The following MLIP variants were observed in gnomAD, a reference collection of about 807,000 sequenced individuals.
MLIP encodes muscular LMNA interacting protein.
A neutral mutation model predicts 84.8 loss-of-function variants in MLIP; 79 were observed. The ratio of observed to expected loss-of-function variants is 0.93; its 90% CI spans 0.78 to 1.12. The LOEUF (loss-of-function observed/expected upper bound fraction) is 1.12, where lower values mean the gene tolerates loss of function less well. Among genes scored for constraint, MLIP ranks in the 50% most tolerant of loss-of-function variants. The probability of loss-of-function intolerance (pLI) is 0.00; values close to 1 mark genes in which losing one functional copy is unlikely to be tolerated. For missense variants in MLIP, 1,257 were observed against 1,160.6 expected (o/e 1.08, Z -1.21); for synonymous variants, 504 against 463.0 (o/e 1.09, Z -1.14).
intron 1 of MLIP, among the ~76,000 whole-genome samples, chr6:54,091,707 T>A (rs1483984983): frequency 6.6e-6 from 1 of 152,174 alleles, no homozygotes; most frequent in Admixed American, 6.6e-5. Flanking sequence ...AACAGCTCCC[T>A]GAGCTCAGCC....
At chr6:54,147,366 C>T (rs1269619040) in intron 4 of MLIP, among the ~76,000 whole-genome samples, 1 of 152,128 alleles carries the variant, frequency 6.6e-6, no homozygotes, top group Non-Finnish European at 1.5e-5. Flanking sequence ...TAAATGTCAG[C>T]TCCCATGGAA....
At chr6:54,172,477 G>T (rs1471457374) in intron 9 of MLIP, among the ~76,000 whole-genome samples, 1 of 151,564 alleles carries the variant, frequency 6.6e-6, no homozygotes, top group South Asian at 2.1e-4. Flanking sequence ...TGATAAGACA[G>T]ATAGTAAACA....
rs368508685 is a variant in MLIP at position 54,213,734 on chromosome 6, A to AAAAAAAAAAAC, written c.2718+11503_2718+11504insAAAAAAAACAA. 7.3e-5 allele frequency among the ~76,000 whole-genome samples: 6 copies of AAAAAAAAAAAC among 82,366 alleles called. 1 individual carries two copies. Among genetic ancestry groups the AAAAAAAAAAAC allele is most frequent in the Non-Finnish European group, 9.5e-5 (4 of 42,150 alleles). 54.0% of individuals were successfully genotyped at this position (82,366 alleles called of 152,430 possible). ...AAAAAAAAAAAAAAAAAAAAAAAAA[A>AAAAAAAAAAAC]AACAACAAACAGCATATCTTGTATG... On this transcript the variant is annotated intron_variant, in intron 11 of 13. Transcript: ENST00000502396.
At chr6:54,248,115 T>C (rs920618507) in intron 12 of MLIP, among the ~76,000 whole-genome samples, 1 of 152,098 alleles carries the variant, frequency 6.6e-6, no homozygotes, top group African/African-American at 2.4e-5. Flanking sequence ...TTATATTCTA[T>C]TTTATGTCAC....
chr6:54,098,689 A>G (rs994601602), intron 1 of MLIP, among the ~76,000 whole-genome samples: 1 of 152,150 alleles, frequency 6.6e-6, no homozygotes, highest in African/African-American at 2.4e-5. Context: ...AGGTAGAGGA[A>G]GGTGGAAAAT....
intron 1 of MLIP, among the ~76,000 whole-genome samples, chr6:54,086,508 G>T (rs1465699882): frequency 6.6e-6 from 1 of 152,128 alleles, no homozygotes; most frequent in Non-Finnish European, 1.5e-5. Context: ...CCAAGATTTG[G>T]GTGCTTAATA....
At chr6:54,135,989 G>C (rs897402683) in intron 3 of MLIP, among the ~76,000 whole-genome samples, 1 of 152,034 alleles carries the variant, frequency 6.6e-6, no homozygotes, top group Non-Finnish European at 1.5e-5. Flanking sequence ...TAAAGTGTTC[G>C]GGCTTCTTTT....
chr6:54,068,994 C>T (rs1173742890), intron 1 of MLIP, among the ~76,000 whole-genome samples: 4 of 101,040 alleles, frequency 4.0e-5, no homozygotes, highest in African/African-American at 1.0e-4. Flanking sequence ...GATGGGGAAA[C>T]ATTCTAGAAA....
intron 1 of MLIP, among the ~76,000 whole-genome samples, chr6:54,027,420 CAT>C (rs1432554187): frequency 2.3e-5 from 3 of 133,194 alleles, no homozygotes; most frequent in African/African-American, 8.3e-5. Context: ...CACACACACA[CAT>C]ATATACATAA....
chr6:54,059,158 T>C (rs1765822919), intron 1 of MLIP, among the ~76,000 whole-genome samples: 1 of 152,218 alleles, frequency 6.6e-6, no homozygotes, highest in Admixed American at 6.5e-5. Context: ...CTAGCTTGCA[T>C]GCTTTCCTTC....
chr6:54,214,907 A>G (rs997328924), intron 11 of MLIP, among the ~76,000 whole-genome samples: 5 of 152,090 alleles, frequency 3.3e-5, no homozygotes, highest in African/African-American at 1.2e-4. Flanking sequence ...CTGTCTACTT[A>G]TCCCCCTTTC....
intron 11 of MLIP, among the ~76,000 whole-genome samples, chr6:54,205,380 T>G (rs898675688): frequency 3.3e-5 from 5 of 152,202 alleles, no homozygotes; most frequent in African/African-American, 1.2e-4. Context: ...GCCAGACAGT[T>G]GGGCCAAATG....
At chr6:54,184,533 T>A (rs1243710949) in intron 9 of MLIP, among the ~76,000 whole-genome samples, 1 of 152,214 alleles carries the variant, frequency 6.6e-6, no homozygotes, top group Non-Finnish European at 1.5e-5. Context: ...TGTTTGCCTT[T>A]GGCATCAAGT....
At chr6:54,240,699 G>A (rs1232078173) in intron 12 of MLIP, among the ~76,000 whole-genome samples, 1 of 152,140 alleles carries the variant, frequency 6.6e-6, no homozygotes, top group Non-Finnish European at 1.5e-5. Context: ...ATTCCTGGCC[G>A]GGCACCGTGG....
At chr6:54,232,956 A>G (rs1001380415) in intron 12 of MLIP, among the ~76,000 whole-genome samples, 2 of 152,022 alleles carry the variant, frequency 1.3e-5, no homozygotes, top group Non-Finnish European at 2.9e-5. Context: ...TGCAGTGTGC[A>G]CTCTTCTCTT....
Position 54,152,544 on chromosome 6 carries a change from T to G in MLIP, c.2289+3417T>G, listed in dbSNP as rs1236064447. ...CAGATTTCCTGAGACTTACTCATTA[T>G]CATGAGAATGGCATGGGAAAGACTG... On this transcript the variant is annotated intron_variant, in intron 5 of 13. Transcript: ENST00000502396. Among the ~76,000 whole-genome samples, 3 of 152,252 alleles carry G rather than the reference T, an allele frequency of 2.0e-5. No individual in the cohort carries two copies. The East Asian group carries it at 5.8e-4, about 29-fold the overall frequency.
exon 1 of MLIP, chr6:54,018,989 G>T (rs761240425): frequency 6.5e-7 from 1 of 1,534,350 alleles, no homozygotes; most frequent in Non-Finnish European, 9.0e-7. Context: ...CTGAACCTCT[G>T]TGTCTCTCAG....
intron 10 of MLIP, among the ~76,000 whole-genome samples, chr6:54,197,960 A>C (rs531327085): frequency 7.2e-5 from 11 of 152,142 alleles, no homozygotes; most frequent in Non-Finnish European, 1.3e-4. Flanking sequence ...AAAGATCACT[A>C]CACACAAAGT....
At chr6:54,258,403 T>C (rs1783162401) in intron 13 of MLIP, among the ~76,000 whole-genome samples, 2 of 152,114 alleles carry the variant, frequency 1.3e-5, no homozygotes, top group African/African-American at 4.8e-5. Flanking sequence ...TGCTGTAACA[T>C]TAGTCATTAA....
Sources: allele counts gnomAD v4.1 joint callset (sites outside exome capture counted in the v4.1 genomes callset), GRCh38; gene constraint gnomAD v4.1.1; transcripts MANE v1.5; gene names NCBI Gene and HGNC (gene_info 2026-07-23, HGNC 2026-07-21).